The following MEGF6 variants were observed in gnomAD, a reference collection of about 807,000 sequenced individuals.
The protein encoded by MEGF6 is multiple EGF like domains 6, also known as multiple epidermal growth factor-like domains protein 6.
Under a neutral mutation model 207.1 loss-of-function variants are expected in MEGF6, and 184 were observed. The observed-to-expected ratio is 0.89, with a 90% CI of 0.79 to 1.00. The LOEUF is 1.00. Ranked by LOEUF, MEGF6 falls within the 50% of genes least tolerant of loss-of-function variation. MEGF6 has a pLI of 0.00. For missense variants in MEGF6, 2,282 were observed against 2,202.9 expected, an observed-to-expected ratio of 1.04 and a Z score of -0.72; for synonymous variants, 1,038 against 910.0, an observed-to-expected ratio of 1.14 and a Z score of -2.53.
At chr1:3,501,396 G>A (rs4648507) in intron 18 of MEGF6, 88 bp from the exon 19 acceptor site, 1,062,930 of 1,482,208 alleles carry the variant, frequency 0.72, 388,627 homozygotes, top group Middle Eastern at 0.79. Context: ...CTGGAGCCAC[G>A]GCCGAGGAGG....
In MEGF6 at chr1:3,509,145, C is replaced by T. The variant is rs749549712; in HGVS notation, c.1458G>A (p.Gln486=). The change falls in exon 12 of 37, where the codon CAG becomes CAA. Residue 486 remains glutamine, a synonymous_variant. Transcript: ENST00000356575. ...CCTCATCGGCCCCGACGTCGTCATC[C>T]TGGAAGAGTTGCGGCAGCTCGTCCT... is the stretch of plus-strand genomic sequence containing the variant. ...VLQDELPQLF[Q]DDDVGADEEE... is the part of the protein sequence containing the mutation. The T allele has an allele frequency of 2.5e-6, 4 of 1,595,008 alleles. No individual in the cohort carries two copies. Among genetic ancestry groups the T allele is most frequent in the Non-Finnish European group, 2.6e-6 (3 of 1,171,538 alleles).
rs539326156 is a variant in MEGF6, at chr1:3,505,651, A to C, written c.1919-95T>G. ...CCTGGGTCAGCCAGGACGACAGCCA[A>C]GATCATGTAGGGAGCTGTCCTCCTC... On this transcript the variant is annotated intron_variant, in intron 15 of 36. Transcript: ENST00000356575. The C allele has an allele frequency of 3.5e-6, 5 of 1,425,050 alleles. No individual in the cohort carries two copies. In the East Asian group the frequency reaches 7.5e-5, roughly 21 times the overall value. 88.3% of individuals were successfully genotyped at this position (1,425,050 alleles called of 1,614,324 possible).
At chr1:3,570,826 G>A (rs1035754868) in intron 4 of MEGF6, among the ~76,000 whole-genome samples, 3 of 152,172 alleles carry the variant, frequency 2.0e-5, no homozygotes, top group African/African-American at 7.2e-5. Context: ...GCCTGCTCAG[G>A]AGGCTAGTCA....
intron 5 of MEGF6, among the ~76,000 whole-genome samples, chr1:3,519,841 C>A (rs1447234811): frequency 6.6e-6 from 1 of 152,190 alleles, no homozygotes; most frequent in Non-Finnish European, 1.5e-5. Flanking sequence ...GATGGGGAGA[C>A]CCAGGCCTGG....
intron 4 of MEGF6, among the ~76,000 whole-genome samples, chr1:3,549,340 C>T (rs773973771): frequency 2.5e-4 from 38 of 152,340 alleles, no homozygotes; most frequent in Admixed American, 6.5e-4. Flanking sequence ...CTGGGCACCA[C>T]GCAGACTGAT....
chr1:3,614,134 G>C (rs373192717), upstream of MEGF6, among the ~76,000 whole-genome samples: 3 of 152,282 alleles, frequency 2.0e-5, no homozygotes, highest in African/African-American at 7.2e-5. Context: ...CACTGCGCTC[G>C]CTCGTCCATA....
intron 3 of MEGF6, among the ~76,000 whole-genome samples, chr1:3,582,972 C>G (rs1557794385): frequency 6.6e-6 from 1 of 152,150 alleles, no homozygotes; most frequent in Non-Finnish European, 1.5e-5. Flanking sequence ...GCACCCAGTT[C>G]CGACACGCAG....
chr1:3,579,397 G>A (rs372341530), intron 4 of MEGF6, among the ~76,000 whole-genome samples: 13 of 152,186 alleles, frequency 8.5e-5, no homozygotes, highest in Admixed American at 5.2e-4. Context: ...GCTGTGCTGC[G>A]GTTACTCAAC....
chr1:3,577,115 G>A (rs2101734654), intron 4 of MEGF6, among the ~76,000 whole-genome samples: 1 of 152,236 alleles, frequency 6.6e-6, no homozygotes, highest in East Asian at 1.9e-4. Flanking sequence ...CGCACCCTCG[G>A]CTCTGCACAC....
chr1:3,549,907 C>G (rs1009728042), intron 4 of MEGF6, among the ~76,000 whole-genome samples: 1 of 152,194 alleles, frequency 6.6e-6, no homozygotes, highest in Non-Finnish European at 1.5e-5. Flanking sequence ...GGTCGAAGGT[C>G]AGAACCAGGC....
chr1:3,594,949 C>T lies in MEGF6; in HGVS notation c.376+389G>A, dbSNP rs1644035733. The stretch of plus-strand genomic sequence containing the variant: ...GAGAACACGGTATAGGGAAACAGGG[C>T]AGGGAGAGGGACTCAGGGAGCTGGG... On this transcript the variant is annotated intron_variant, in intron 3 of 36. Transcript: ENST00000356575. The surrounding 1 kb of genome is among the most constrained non-coding windows in gnomAD (Gnocchi z 4.2). 6.6e-6 allele frequency among the ~76,000 whole-genome samples: 1 copy of T among 151,922 alleles called. No individual in the cohort carries two copies. The highest frequency in any genetic ancestry group is 6.6e-5 in the Admixed American group (1 of 15,266).
rs760006270 is a variant in MEGF6 at position 3,498,872 on chromosome 1, G to C, written c.3095-46C>G. ...GCAACCTGCATCCCCCAGCCAGCTG[G>C]CCCCACAGGGTCTGTCTGGCTTTCC... is the stretch of plus-strand genomic sequence containing the variant. On this transcript the variant is annotated intron_variant, in intron 24 of 36. Transcript: ENST00000356575. The C allele has an allele frequency of 7.1e-6, 11 of 1,540,462 alleles. No individual in the cohort carries two copies. In the African/African-American group the frequency reaches 1.5e-4, roughly 21 times the overall value.
intron 4 of MEGF6, among the ~76,000 whole-genome samples, chr1:3,553,886 C>A (rs370467025): frequency 6.6e-6 from 1 of 152,222 alleles, no homozygotes; most frequent in Non-Finnish European, 1.5e-5. Context: ...GGGAGCACCC[C>A]GTTGGCCAGC....
rs1212897962 is a variant in MEGF6, at chr1:3,594,232, C to T, written c.376+1106G>A. ...TCGCTTGAGCCTAGGAGCTCAAGAC[C>T]AGCCTGGGCAACATGGTGAGACCCT... On this transcript the variant is annotated intron_variant, in intron 3 of 36. Transcript: ENST00000356575. This position sits in a 1 kb window ranked among gnomAD's most constrained non-coding sequence, Gnocchi z 4.2. Among the ~76,000 whole-genome samples the T allele has an allele frequency of 6.6e-6, 1 of 152,172 alleles. No homozygotes were observed. Among genetic ancestry groups the T allele is most frequent in the Non-Finnish European group, 1.5e-5 (1 of 68,026 alleles).
intron 4 of MEGF6, among the ~76,000 whole-genome samples, chr1:3,571,642 GGGTCCTTCCTGGGTGTGCTA>G: frequency 6.6e-6 from 1 of 151,920 alleles, no homozygotes; most frequent in South Asian, 2.1e-4. Flanking sequence ...TGGGTGTGCT[GGGTCCTTCCTGGGTGTGCTA>G]GGTCCTTCCT....
At chr1:3,514,084 T>C (rs530519054) in intron 7 of MEGF6, among the ~76,000 whole-genome samples, 28 of 151,746 alleles carry the variant, frequency 1.8e-4, no homozygotes, top group Non-Finnish European at 3.2e-4. Flanking sequence ...CCATCTCTTC[T>C]AAAAATACGA....
intron 26 of MEGF6, chr1:3,497,576 G>A: frequency 2.8e-6 from 2 of 713,854 alleles, no homozygotes; most frequent in Non-Finnish European, 5.0e-6. Flanking sequence ...CCACCGGCAG[G>A]CACAGCGCCC....
intron 11 of MEGF6, 37 bp downstream of exon 11, chr1:3,509,833 G>A: frequency 5.9e-6 from 9 of 1,520,326 alleles, no homozygotes; most frequent in Non-Finnish European, 8.0e-6. Flanking sequence ...ACTCGAGAAG[G>A]CAGAGGCCGG....
chr1:3,622,536 C>T, the MEGF6 span, among the ~76,000 whole-genome samples: 13 of 152,272 alleles, frequency 8.5e-5, no homozygotes, highest in African/African-American at 2.4e-4. Context: ...TGATGATGAT[C>T]GACTAAAGAT....
Sources: gnomAD v4.1 joint callset for allele counts (sites outside exome capture counted in the v4.1 genomes callset) on GRCh38, gnomAD v4.1.1 for gene constraint, Gnocchi (gnomAD v3.1) non-coding constraint, MANE v1.5 for transcripts, NCBI Gene and HGNC (gene_info 2026-07-23, HGNC 2026-07-21) for gene names.